Variants in HDAC9 observed in about 807,000 individuals in gnomAD.
The protein encoded by HDAC9 is histone deacetylase 9.
Under a neutral mutation model 139.4 loss-of-function variants are expected in HDAC9, and 41 were observed. The ratio of observed to expected loss-of-function variants is 0.29; its 90% CI spans 0.23 to 0.38. The LOEUF is 0.38. Ranked by LOEUF, HDAC9 falls within the 10% of genes least tolerant of loss-of-function variation. HDAC9 has a pLI of 1.00. For synonymous variants in HDAC9, 517 were observed against 476.2 expected, an observed-to-expected ratio of 1.09 and a Z score of -1.12; for missense variants, 1,147 against 1,297.0, an observed-to-expected ratio of 0.88 and a Z score of 1.78.
intron 2 of HDAC9, among the ~76,000 whole-genome samples, chr7:18,534,144 T>C (rs1445774200): frequency 6.6e-6 from 1 of 152,222 alleles, no homozygotes; most frequent in Non-Finnish European, 1.5e-5. Flanking sequence ...ATTTGATCTT[T>C]GGAAGCTCAT....
chr7:18,515,255 T>G (rs1449592679), intron 2 of HDAC9, among the ~76,000 whole-genome samples: 1 of 152,242 alleles, frequency 6.6e-6, no homozygotes, highest in Non-Finnish European at 1.5e-5. Flanking sequence ...ATGTAATGCA[T>G]GGAAATTTTT....
chr7:18,175,278 A>T (rs544393763), intron 2 of HDAC9, among the ~76,000 whole-genome samples: 30 of 152,286 alleles, frequency 2.0e-4, no homozygotes, highest in African/African-American at 7.2e-4. Context: ...AGTGGGATAT[A>T]ATCTTTTGGT....
At chr7:18,650,221 T>C (rs1463054850) in intron 11 of HDAC9, among the ~76,000 whole-genome samples, 1 of 152,172 alleles carries the variant, frequency 6.6e-6, no homozygotes, top group Non-Finnish European at 1.5e-5. Context: ...GTCCACTGTT[T>C]AGTGCAAGAA....
intron 16 of HDAC9, chr7:18,793,108 AGTCAGT>A: frequency 2.0e-6 from 1 of 496,122 alleles, no homozygotes; most frequent in East Asian, 3.5e-5. Context: ...CCATTGGAGA[AGTCAGT>A]GTAGAGAAAA....
At chr7:18,350,921 T>C (rs1782797879) in intron 1 of HDAC9, among the ~76,000 whole-genome samples, 2 of 152,170 alleles carry the variant, frequency 1.3e-5, no homozygotes, top group Admixed American at 1.3e-4. Flanking sequence ...ACCCAGCCGC[T>C]GGGTAGCTGG....
At chr7:18,833,300 G>T (rs1257810205) in intron 19 of HDAC9, among the ~76,000 whole-genome samples, 1 of 152,132 alleles carries the variant, frequency 6.6e-6, no homozygotes, top group Non-Finnish European at 1.5e-5. Context: ...TTTTATATCT[G>T]AGAGAACATA....
intron 19 of HDAC9, among the ~76,000 whole-genome samples, chr7:18,833,501 A>T (rs191838815): frequency 6.6e-6 from 1 of 152,210 alleles, no homozygotes; most frequent in Non-Finnish European, 1.5e-5. Context: ...GTTTTTCAAA[A>T]TATTTTATTT....
chr7:18,107,657 A>C (rs564889842), intron 1 of HDAC9, among the ~76,000 whole-genome samples: 1 of 152,140 alleles, frequency 6.6e-6, no homozygotes, highest in East Asian at 1.9e-4. Context: ...TAAGGCCTAA[A>C]GTGGATTTTA....
chr7:18,523,887 C>A (rs1805903622), intron 2 of HDAC9, among the ~76,000 whole-genome samples: 1 of 145,022 alleles, frequency 6.9e-6, no homozygotes, highest in South Asian at 2.2e-4. Flanking sequence ...GTAGACCCCG[C>A]CCTCCCCCAC....
In HDAC9 at chr7:18,224,135, G is replaced by A. The variant is rs891271930; in HGVS notation, c.25+61786G>A. ...TGTGCTCATTATTGTTCACATGTAC[G>A]TATGACTGCATACCATTTTGACAGT... is the stretch of plus-strand genomic sequence containing the variant. On this transcript the variant is annotated intron_variant, in intron 2 of 12. Transcript: ENST00000417496. Among the ~76,000 whole-genome samples the A allele has an allele frequency of 3.9e-5, 6 of 152,112 alleles. 1 individual carries two copies. The highest frequency in any genetic ancestry group is 3.9e-4 in the Admixed American group (6 of 15,276).
intron 1 of HDAC9, among the ~76,000 whole-genome samples, chr7:18,322,076 A>G (rs959754333): frequency 6.6e-6 from 1 of 152,130 alleles, no homozygotes; most frequent in East Asian, 1.9e-4. Context: ...TCTTATTTGA[A>G]CCATCTCCTG....
At chr7:18,864,790 T>C (rs1798368761) in intron 21 of HDAC9, among the ~76,000 whole-genome samples, 1 of 151,812 alleles carries the variant, frequency 6.6e-6, no homozygotes, top group Non-Finnish European at 1.5e-5. Context: ...GGTTACAGAG[T>C]TTCCCTGGAA....
chr7:18,335,670 G>A (rs1216469744), intron 1 of HDAC9, among the ~76,000 whole-genome samples: 1 of 151,572 alleles, frequency 6.6e-6, no homozygotes, highest in Non-Finnish European at 1.5e-5. Flanking sequence ...TAAATGCTGA[G>A]CTACTGTTTA....
At chr7:18,625,489 C>T (rs959522212) in intron 6 of HDAC9, among the ~76,000 whole-genome samples, 1 of 152,176 alleles carries the variant, frequency 6.6e-6, no homozygotes, top group Admixed American at 6.6e-5. Context: ...TACCCCTGGC[C>T]TGTACCCATA....
At chr7:18,338,632 A>AT in intron 1 of HDAC9, among the ~76,000 whole-genome samples, 1 of 151,668 alleles carries the variant, frequency 6.6e-6, no homozygotes, top group East Asian at 1.9e-4. Flanking sequence ...TCAATCTTGC[A>AT]TTATTGGGAT....
rs1005063639 is a variant in HDAC9 at position 18,489,157 on chromosome 7, A to T, written c.-41-7105A>T. 3.9e-5 allele frequency among the ~76,000 whole-genome samples: 6 copies of T among 152,174 alleles called. No homozygotes were observed. The East Asian group carries it at 1.2e-3, about 29-fold the overall frequency. ...TCATTGCAGAAATATTTATTGAGTG[A>T]CATACTATGTGCCAGACATTATGCT... On this transcript the variant is annotated intron_variant, in intron 1 of 3. Coordinates refer to the HDAC9 transcript ENST00000413509.
intron 2 of HDAC9, among the ~76,000 whole-genome samples, chr7:18,231,740 G>A (rs1186959560): frequency 1.3e-5 from 2 of 152,222 alleles, no homozygotes; most frequent in Non-Finnish European, 1.5e-5. Context: ...AGGAAATAGC[G>A]TTTCTCATTA....
chr7:18,100,886 A>G (rs1033161026), intron 1 of HDAC9, among the ~76,000 whole-genome samples: 1 of 152,000 alleles, frequency 6.6e-6, no homozygotes, highest in African/African-American at 2.4e-5. Flanking sequence ...CTGGGATGCA[A>G]TTAGTTACTG....
chr7:18,861,578 G>A (rs1429577793), intron 21 of HDAC9, among the ~76,000 whole-genome samples: 1 of 152,086 alleles, frequency 6.6e-6, no homozygotes, highest in Admixed American at 6.5e-5. Context: ...CCCAAAGTCA[G>A]GAAGAGATAC....
Sources: allele counts gnomAD v4.1 joint callset (sites outside exome capture counted in the v4.1 genomes callset), GRCh38; gene constraint gnomAD v4.1.1; transcripts MANE v1.5; gene names NCBI Gene and HGNC (gene_info 2026-07-23, HGNC 2026-07-21).